Variants in RALGPS1 observed in about 807,000 individuals in gnomAD.
The protein encoded by RALGPS1 is ras-specific guanine nucleotide-releasing factor RalGPS1.
RALGPS1 carries 19 observed loss-of-function variants against 78.8 expected under a neutral mutation model. That is an observed-to-expected ratio of 0.24 (90% CI 0.17 to 0.35). The LOEUF is 0.35. Ranked by LOEUF, RALGPS1 falls within the 10% of genes least tolerant of loss-of-function variation. The pLI is 1.00. For synonymous variants in RALGPS1, 228 were observed against 256.3 expected (o/e 0.89, Z 1.06); for missense variants, 454 against 688.3 (o/e 0.66, Z 3.81).
At chr9:127,023,706 C>A (rs2045687215) in intron 4 of RALGPS1, among the ~76,000 whole-genome samples, 1 of 152,148 alleles carries the variant, frequency 6.6e-6, no homozygotes, top group Non-Finnish European at 1.5e-5. Context: ...TAAGGCCCAG[C>A]TGGTCATGAT....
At position 127,177,747 on chromosome 9, in the gene RALGPS1, G is replaced by A. The variant is rs984292601; in HGVS notation, c.910+2965G>A. On this transcript the variant is annotated intron_variant, in intron 11 of 18. Coordinates refer to ENST00000259351, the MANE Select transcript of RALGPS1 (RefSeq NM_014636.3). ...ACTCACTGGTCCCTGGGGCAGGAAA[G>A]GAGGCACTGCATTTCCTGGCCTCCT... 4.2e-6 allele frequency: 6 copies of A among 1,418,100 alleles called. No individual in the cohort carries two copies. In the African/African-American group the frequency reaches 7.1e-5, roughly 17 times the overall value. The allele number at this position is 1,418,100 out of a possible 1,614,324, so 87.8% of individuals were successfully genotyped here.
intron 5 of RALGPS1, 43 bp downstream of exon 5, chr9:127,034,557 G>A: frequency 1.3e-6 from 2 of 1,558,304 alleles, no homozygotes; most frequent in Non-Finnish European, 1.8e-6. Context: ...AGAGCAATCT[G>A]CTGCTGTCCC....
intron 8 of RALGPS1, among the ~76,000 whole-genome samples, chr9:127,138,369 G>T (rs781082477): frequency 6.6e-6 from 1 of 152,168 alleles, no homozygotes; most frequent in Non-Finnish European, 1.5e-5. Flanking sequence ...GCTCAGCCTG[G>T]TAAGTGCTTA....
chr9:127,150,636 G>A (rs985595323), intron 8 of RALGPS1, among the ~76,000 whole-genome samples: 4 of 152,172 alleles, frequency 2.6e-5, no homozygotes, highest in South Asian at 2.1e-4. Flanking sequence ...AGGCATCCTC[G>A]TCCCCATCTC....
At chr9:127,083,819 C>T (rs2051410229) in intron 8 of RALGPS1, among the ~76,000 whole-genome samples, 1 of 152,232 alleles carries the variant, frequency 6.6e-6, no homozygotes, top group Non-Finnish European at 1.5e-5. Flanking sequence ...TCATTCCAGA[C>T]AGTCCAGTGT....
intron 1 of RALGPS1, among the ~76,000 whole-genome samples, chr9:126,957,214 G>A (rs2038429892): frequency 6.6e-6 from 1 of 152,252 alleles, no homozygotes. Flanking sequence ...TAGCGTGGTG[G>A]TGCCCTTCAG....
intron 1 of RALGPS1, among the ~76,000 whole-genome samples, chr9:126,919,002 A>C (rs2119483740): frequency 6.6e-6 from 1 of 152,198 alleles, no homozygotes; most frequent in African/African-American, 2.4e-5. Context: ...CTAGTGAGGG[A>C]ATAAGTTGTA....
chr9:126,952,656 A>AGTGTGTGTGTGTGTGTGTGTGTGTGT (rs1281535322), intron 1 of RALGPS1, among the ~76,000 whole-genome samples: 2 of 138,828 alleles, frequency 1.4e-5, no homozygotes, highest in Admixed American at 7.2e-5. Context: ...AGAGAGAGAG[A>AGTGTGTGTGTGTGTGTGTGTGTGTGT]GTGTGTGTGT....
intron 1 of RALGPS1, among the ~76,000 whole-genome samples, chr9:126,937,190 A>G (rs940057001): frequency 2.0e-5 from 3 of 152,162 alleles, no homozygotes; most frequent in Admixed American, 6.5e-5. Context: ...AATGGATTAA[A>G]CTGCTGTGAG....
chr9:127,140,893 G>A (rs2057729705), intron 8 of RALGPS1, among the ~76,000 whole-genome samples: 1 of 152,178 alleles, frequency 6.6e-6, no homozygotes, highest in African/African-American at 2.4e-5. Context: ...AGAGATGGAA[G>A]GGTGGAAACC....
At chr9:127,156,411 T>A (rs1165639453) in intron 8 of RALGPS1, among the ~76,000 whole-genome samples, 1 of 152,188 alleles carries the variant, frequency 6.6e-6, no homozygotes, top group Non-Finnish European at 1.5e-5. Flanking sequence ...TCTTGTATAG[T>A]GTGACTTTTT....
At chr9:127,110,413 TTTC>T (rs2054682957) in intron 8 of RALGPS1, among the ~76,000 whole-genome samples, 1 of 152,204 alleles carries the variant, frequency 6.6e-6, no homozygotes, top group Admixed American at 6.5e-5. Flanking sequence ...ATTCCTGTCC[TTTC>T]TCTACTGTTG....
rs75430563 is a variant in RALGPS1 at position 127,136,503 on chromosome 9, C to A, written c.611-29566C>A. On this transcript the variant is annotated intron_variant, in intron 8 of 18. Transcript: ENST00000259351. ...CAGAAGTGGAGTTTGCATGCCAGCT[C>A]CCTGCATGGGACTGTGTGCCTTGGG... Among the ~76,000 whole-genome samples the A allele has an allele frequency of 5.5e-3, 831 of 152,328 alleles. 25 individuals are homozygous for A. In the East Asian group the frequency reaches 0.086, roughly 16 times the overall value.
chr9:127,208,823 G>A (rs1188609875), intron 14 of RALGPS1, among the ~76,000 whole-genome samples: 1 of 152,192 alleles, frequency 6.6e-6, no homozygotes, highest in Non-Finnish European at 1.5e-5. Context: ...AAACATCTGT[G>A]AAATACAAAG....
Position 127,183,657 on chromosome 9 carries a change from C to T in RALGPS1, c.910+8875C>T, listed in dbSNP as rs909557836. Reference sequence around the variant, plus strand: ...CTCCGCAGGGGGTCTGTGGAGACTCCGCCTGACTATGTGTGAGTAGAAAAA... The same window carrying T: ...CTCCGCAGGGGGTCTGTGGAGACTCTGCCTGACTATGTGTGAGTAGAAAAA... On this transcript the variant is annotated intron_variant, in intron 11 of 18. Coordinates refer to ENST00000259351, the MANE Select transcript of RALGPS1 (RefSeq NM_014636.3). The surrounding 1 kb of genome is among the most constrained non-coding windows in gnomAD (Gnocchi z 4.0). 6.6e-6 allele frequency among the ~76,000 whole-genome samples: 1 copy of T among 152,022 alleles called. No individual in the cohort carries two copies. Among genetic ancestry groups the T allele is most frequent in the Non-Finnish European group, 1.5e-5 (1 of 67,998 alleles).
At chr9:127,056,092 A>G (rs933825285) in intron 7 of RALGPS1, among the ~76,000 whole-genome samples, 2 of 152,150 alleles carry the variant, frequency 1.3e-5, no homozygotes. Flanking sequence ...TTGCTCCTCT[A>G]CTTCCCTGGG....
intron 8 of RALGPS1, among the ~76,000 whole-genome samples, chr9:127,074,850 A>G (rs940139725): frequency 6.6e-6 from 1 of 152,198 alleles, no homozygotes; most frequent in East Asian, 1.9e-4. Flanking sequence ...CACCCTATTC[A>G]GGTTATTATT....
chr9:127,039,454 C>T (rs1057441633), intron 5 of RALGPS1, among the ~76,000 whole-genome samples: 5 of 152,188 alleles, frequency 3.3e-5, no homozygotes, highest in Admixed American at 1.3e-4. Context: ...ATTCTTACAA[C>T]ACTGGCTCCA....
intron 8 of RALGPS1, among the ~76,000 whole-genome samples, chr9:127,107,334 A>G (rs2054315515): frequency 2.6e-5 from 4 of 152,208 alleles, no homozygotes; most frequent in Admixed American, 6.5e-5. Flanking sequence ...GAATTGCTGT[A>G]TTTTAAGATG....
Sources: allele counts gnomAD v4.1 joint callset (sites outside exome capture counted in the v4.1 genomes callset), GRCh38; gene constraint gnomAD v4.1.1; non-coding constraint Gnocchi (gnomAD v3.1); transcripts MANE v1.5; gene names NCBI Gene and HGNC (gene_info 2026-07-23, HGNC 2026-07-21).